Variants in TEX36 observed in about 807,000 individuals in gnomAD.
TEX36 encodes the protein testis-expressed protein 36.
TEX36 carries 12 observed loss-of-function variants against 13.6 expected under a neutral mutation model. The ratio of observed to expected loss-of-function variants is 0.88; its 90% CI spans 0.56 to 1.43. The LOEUF is 1.43. TEX36 is among the 40% of genes most tolerant of loss of function. The probability of loss-of-function intolerance (pLI) is 0.00; values close to 1 mark genes in which losing one functional copy is unlikely to be tolerated. For missense variants in TEX36, 224 were observed against 228.3 expected, an observed-to-expected ratio of 0.98 and a Z score of 0.12; for synonymous variants, 93 against 83.0, an observed-to-expected ratio of 1.12 and a Z score of -0.65.
chr10:125,580,807 A>G (rs932096717), intron 3 of TEX36, among the ~76,000 whole-genome samples: 3 of 152,100 alleles, frequency 2.0e-5, no homozygotes, highest in African/African-American at 7.2e-5. Context: ...CACCCTGACT[A>G]CCATGATTGG....
chr10:125,619,614 T>C (rs1846403514), downstream of TEX36, among the ~76,000 whole-genome samples: 1 of 152,146 alleles, frequency 6.6e-6, no homozygotes, highest in Non-Finnish European at 1.5e-5. Context: ...GCAGTGGCGC[T>C]GTCTTGGCTC....
chr10:125,640,098 G>T, intron 3 of TEX36: 1 of 946,992 alleles, frequency 1.1e-6, no homozygotes, highest in Non-Finnish European at 1.3e-6. Context: ...TGGATAATGA[G>T]CAAAGTTGTT....
At chr10:125,625,199 C>G (rs1247060133) in intron 3 of TEX36, among the ~76,000 whole-genome samples, 1 of 152,204 alleles carries the variant, frequency 6.6e-6, no homozygotes, top group Non-Finnish European at 1.5e-5. Context: ...AGACATGAGC[C>G]CCTCCTGGGC....
At chr10:125,636,350 C>G (rs893920372) in intron 3 of TEX36, among the ~76,000 whole-genome samples, 2 of 151,362 alleles carry the variant, frequency 1.3e-5, no homozygotes, top group Non-Finnish European at 2.9e-5. Flanking sequence ...GGACTACAGG[C>G]GCCCGCTACC....
chr10:125,666,669 C>G lies in TEX36; in HGVS notation c.52-4692G>C, dbSNP rs570573008. On this transcript the variant is annotated intron_variant, in intron 1 of 3. Transcript: ENST00000368821. ...CTGGCTGTAGTTCTCTCCCCGCCCC[C>G]CCTCCTCCAACCTTGAATAGCTGTT... 1.2e-4 allele frequency among the ~76,000 whole-genome samples: 19 copies of G among 152,234 alleles called. No homozygotes were observed. The East Asian group carries it at 1.9e-3, about 15-fold the overall frequency.
intron 3 of TEX36, among the ~76,000 whole-genome samples, chr10:125,605,824 A>G (rs748978068): frequency 2.2e-4 from 34 of 151,792 alleles, no homozygotes; most frequent in Non-Finnish European, 4.0e-4. Flanking sequence ...CTGGTCTCGA[A>G]CTCCTGACCT....
chr10:125,660,835 C>T (rs1297800433), intron 3 of TEX36, among the ~76,000 whole-genome samples, 186 bp downstream of exon 3: 5 of 105,936 alleles, frequency 4.7e-5, no homozygotes, highest in Admixed American at 9.8e-5. Flanking sequence ...ATCTTGAAAG[C>T]GGCGTGGAAT....
intron 3 of TEX36, among the ~76,000 whole-genome samples, chr10:125,657,180 G>T (rs1050618770): frequency 6.6e-6 from 1 of 152,240 alleles, no homozygotes; most frequent in East Asian, 1.9e-4. Context: ...CGTCAGTAAA[G>T]TGAGGTTTCT....
At chr10:125,603,993 C>T (rs1846182166) in intron 3 of TEX36, among the ~76,000 whole-genome samples, 1 of 152,182 alleles carries the variant, frequency 6.6e-6, no homozygotes, top group African/African-American at 2.4e-5. Flanking sequence ...TCAGTCCAGC[C>T]TCCCCCGGGA....
chr10:125,594,445 C>G (rs1198133215), intron 3 of TEX36, among the ~76,000 whole-genome samples: 1 of 152,188 alleles, frequency 6.6e-6, no homozygotes, highest in African/African-American at 2.4e-5. Flanking sequence ...CTCATATACT[C>G]AGCAACACAG....
intron 1 of TEX36, among the ~76,000 whole-genome samples, chr10:125,672,020 T>A (rs1466153410): frequency 6.6e-6 from 1 of 152,200 alleles, no homozygotes; most frequent in Non-Finnish European, 1.5e-5. Context: ...TTCTTCTCTC[T>A]TTTCTTCTTT....
At chr10:125,672,842 G>T (rs1419859749) in intron 1 of TEX36, among the ~76,000 whole-genome samples, 1 of 152,126 alleles carries the variant, frequency 6.6e-6, no homozygotes, top group Admixed American at 6.5e-5. Flanking sequence ...AGGATAGTTA[G>T]CTCTTCTTGT....
chr10:125,577,686 C>T (rs2133518155), intron 3 of TEX36, among the ~76,000 whole-genome samples: 1 of 152,354 alleles, frequency 6.6e-6, no homozygotes, highest in African/African-American at 2.4e-5. Flanking sequence ...TTAATATAGT[C>T]CTGCCATATT....
At chr10:125,595,523 T>G (rs533400952) in intron 3 of TEX36, among the ~76,000 whole-genome samples, 1 of 152,328 alleles carries the variant, frequency 6.6e-6, no homozygotes, top group Admixed American at 6.5e-5. Context: ...ATCACCGACC[T>G]GCTCAGTAGC....
chr10:125,637,918 G>C (rs1846639766), intron 3 of TEX36, among the ~76,000 whole-genome samples: 1 of 151,962 alleles, frequency 6.6e-6, no homozygotes, highest in African/African-American at 2.4e-5. Context: ...CCCTCTGCAA[G>C]TCCAGACCAC....
intron 3 of TEX36, among the ~76,000 whole-genome samples, chr10:125,645,284 G>C (rs1259252486): frequency 6.6e-6 from 1 of 152,206 alleles, no homozygotes; most frequent in Non-Finnish European, 1.5e-5. Flanking sequence ...ACAGCATTGA[G>C]AGATGGGACC....
At chr10:125,606,025 T>C (rs1846211622) in intron 3 of TEX36, among the ~76,000 whole-genome samples, 1 of 152,222 alleles carries the variant, frequency 6.6e-6, no homozygotes, top group African/African-American at 2.4e-5. Flanking sequence ...CGAGCTTTTA[T>C]TTAGCACCTA....
intron 3 of TEX36, among the ~76,000 whole-genome samples, chr10:125,640,698 G>C (rs568970121): frequency 6.6e-6 from 1 of 152,208 alleles, no homozygotes; most frequent in African/African-American, 2.4e-5. Context: ...GTTTCACCCA[G>C]GGAAAGGCAG....
chr10:125,682,860 A>G (rs1033266652), intron 1 of TEX36, 79 bp downstream of exon 1: 2 of 1,459,298 alleles, frequency 1.4e-6, no homozygotes, highest in African/African-American at 2.8e-5. Flanking sequence ...TAATAGTAGA[A>G]GCAGGATTGG....
Sources: allele counts gnomAD v4.1 joint callset (sites outside exome capture counted in the v4.1 genomes callset), GRCh38; gene constraint gnomAD v4.1.1; transcripts MANE v1.5; gene names NCBI Gene and HGNC (gene_info 2026-07-23, HGNC 2026-07-21).